The following GDA variants were observed in gnomAD, a reference collection of about 807,000 sequenced individuals.
GDA encodes guanine deaminase, also known as cytoplasmic PSD-95 interactor.
Under a neutral mutation model 59.6 loss-of-function variants are expected in GDA, and 18 were observed. That is an observed-to-expected ratio of 0.30 (90% CI 0.21 to 0.45). The LOEUF is 0.45. Ranked by LOEUF, GDA falls within the 20% of genes least tolerant of loss-of-function variation. The pLI, the probability that GDA is intolerant of heterozygous loss-of-function variation, is 1.00. For synonymous variants in GDA, 201 were observed against 201.1 expected (o/e 1.00, Z 0.00); for missense variants, 427 against 552.3 (o/e 0.77, Z 2.27).
chr9:72,212,674 T>C (rs1835530180), intron 4 of GDA, among the ~76,000 whole-genome samples: 1 of 152,082 alleles, frequency 6.6e-6, no homozygotes, highest in African/African-American at 2.4e-5. Context: ...TCCAAATCTT[T>C]CCAATTCCAG....
chr9:72,235,945 A>G (rs1388183534), intron 10 of GDA, among the ~76,000 whole-genome samples: 2 of 152,188 alleles, frequency 1.3e-5, no homozygotes, highest in African/African-American at 4.8e-5. Context: ...AACAAGCAAC[A>G]TACATGGAGC....
At chr9:72,199,205 G>A (rs1833620185) in intron 2 of GDA, among the ~76,000 whole-genome samples, 1 of 152,152 alleles carries the variant, frequency 6.6e-6, no homozygotes. Context: ...TATAAAATGA[G>A]CAGGTGGGCT....
intron 10 of GDA, among the ~76,000 whole-genome samples, chr9:72,239,326 C>G (rs1839358234): frequency 6.6e-6 from 1 of 152,172 alleles, no homozygotes; most frequent in Non-Finnish European, 1.5e-5. Context: ...AGGCATCTCT[C>G]AATTTTTTTC....
chr9:72,130,655 T>C (rs1026529725), intron 1 of GDA, among the ~76,000 whole-genome samples: 2 of 152,212 alleles, frequency 1.3e-5, no homozygotes, highest in African/African-American at 4.8e-5. Context: ...TGTGTTGTTA[T>C]ATGATTGAGG....
chr9:72,244,971 T>G (rs537766605), intron 11 of GDA, among the ~76,000 whole-genome samples, 177 bp from the exon 12 acceptor site: 2 of 152,344 alleles, frequency 1.3e-5, no homozygotes, highest in South Asian at 4.1e-4. Context: ...CTCCACTTTA[T>G]GTAAGTAGAA....
chr9:72,249,282 C>A lies in GDA; in HGVS notation c.*940C>A, dbSNP rs1486118250. 2.0e-5 allele frequency: 20 copies of A among 985,136 alleles called. No homozygotes were observed. Among genetic ancestry groups the A allele is most frequent in the Non-Finnish European group, 2.3e-5 (19 of 829,836 alleles). The allele number at this position is 985,136 out of a possible 1,614,324, so 61.0% of individuals were successfully genotyped here. A position where few individuals can be genotyped will look rare whatever the true frequency, so the allele number is the denominator to read the frequency against. Reference sequence around the variant, plus strand: ...AATACTAACAGGACAGGTTCCATTGCCATGGCCTATTCCACCCAAACAATA... The same window carrying A: ...AATACTAACAGGACAGGTTCCATTGACATGGCCTATTCCACCCAAACAATA... On this transcript the variant is annotated 3_prime_UTR_variant, in exon 14 of 14. Transcript: ENST00000358399.
chr9:72,192,564 C>T (rs892750584), intron 1 of GDA, among the ~76,000 whole-genome samples: 1 of 149,708 alleles, frequency 6.7e-6, no homozygotes, highest in Non-Finnish European at 1.5e-5. Context: ...CAAATTTTTT[C>T]TTCTGCTTGA....
downstream of GDA, among the ~76,000 whole-genome samples, chr9:72,256,739 C>T (rs1439248387): frequency 6.6e-6 from 1 of 152,182 alleles, no homozygotes; most frequent in Non-Finnish European, 1.5e-5. Flanking sequence ...TTTCCAGGCC[C>T]TTGTCCCTAT....
intron 9 of GDA, chr9:72,228,253 A>G (rs1837857728): frequency 2.0e-6 from 1 of 493,844 alleles, no homozygotes; most frequent in Non-Finnish European, 3.6e-6. Flanking sequence ...AGAGCACAGC[A>G]TCTTCTGAAA....
At chr9:72,165,115 G>A (rs1455776523) in intron 1 of GDA, among the ~76,000 whole-genome samples, 1 of 152,092 alleles carries the variant, frequency 6.6e-6, no homozygotes, top group Non-Finnish European at 1.5e-5. Context: ...ATTCACTTGT[G>A]CTCATATTCC....
At chr9:72,119,723 C>G (rs1331407663) in intron 1 of GDA, among the ~76,000 whole-genome samples, 1 of 152,022 alleles carries the variant, frequency 6.6e-6, no homozygotes, top group African/African-American at 2.4e-5. Flanking sequence ...AAATTCTTTT[C>G]ATTTGATTAC....
intron 1 of GDA, among the ~76,000 whole-genome samples, chr9:72,116,911 G>A (rs1457791106): frequency 6.6e-6 from 1 of 151,532 alleles, no homozygotes; most frequent in Admixed American, 6.6e-5. Context: ...ATCTCCTAAT[G>A]CTATCCCTCC....
At position 72,195,485 on chromosome 9, in the gene GDA, T is replaced by G. The variant is rs1587587506; in HGVS notation, c.124-15T>G. 1 of 1,205,470 alleles carries G rather than the reference T, an allele frequency of 8.3e-7. No homozygotes were observed. The allele number at this position is 1,205,470 out of a possible 1,614,324, so 74.7% of individuals were successfully genotyped here. On this transcript the variant is annotated splice_polypyrimidine_tract_variant and intron_variant, in intron 1 of 13. Transcript: ENST00000358399. The stretch of plus-strand genomic sequence containing the variant: ...CTAATATGTGTTTCTTTTCTTTTCT[T>G]TCTTTCTTTTAAAGATAGTGTTTTT...
intron 1 of GDA, among the ~76,000 whole-genome samples, chr9:72,121,642 C>T (rs1825665709): frequency 6.6e-6 from 1 of 152,090 alleles, no homozygotes; most frequent in East Asian, 1.9e-4. Context: ...TGTTATTCTG[C>T]CCTTGTTTGT....
chr9:72,252,850 G>C (rs1331954357), downstream of GDA, among the ~76,000 whole-genome samples: 2 of 152,178 alleles, frequency 1.3e-5, no homozygotes, highest in Non-Finnish European at 2.9e-5. Flanking sequence ...TAATATGAGT[G>C]CCTGCCTTAC....
intron 1 of GDA, among the ~76,000 whole-genome samples, chr9:72,180,072 T>C (rs774259104): frequency 2.0e-5 from 3 of 151,972 alleles, no homozygotes; most frequent in Non-Finnish European, 4.4e-5. Context: ...TTTTTAAAAA[T>C]GGCCATCCGG....
At chr9:72,122,765 G>A (rs894381803) in intron 1 of GDA, among the ~76,000 whole-genome samples, 4 of 151,902 alleles carry the variant, frequency 2.6e-5, no homozygotes, top group African/African-American at 9.7e-5. Flanking sequence ...ATGGAATCAG[G>A]TGCCTCCCCC....
At chr9:72,189,496 A>G (rs1019396106) in intron 1 of GDA, among the ~76,000 whole-genome samples, 1 of 152,092 alleles carries the variant, frequency 6.6e-6, no homozygotes. Flanking sequence ...TGGACTTTTG[A>G]ATTGATGCTG....
chr9:72,162,762 A>G (rs1026213684), intron 1 of GDA, among the ~76,000 whole-genome samples: 6 of 151,584 alleles, frequency 4.0e-5, no homozygotes, highest in Admixed American at 1.3e-4. Flanking sequence ...GGTTCACGCC[A>G]TTCTCCTGCC....
Sources: gnomAD v4.1 joint callset for allele counts (sites outside exome capture counted in the v4.1 genomes callset) on GRCh38, gnomAD v4.1.1 for gene constraint, MANE v1.5 for transcripts, NCBI Gene and HGNC (gene_info 2026-07-23, HGNC 2026-07-21) for gene names.